Variants in DNAJC12 observed in about 807,000 individuals in gnomAD.
The protein encoded by DNAJC12 is DnaJ heat shock protein family (Hsp40) member C12, also known as dnaJ homolog subfamily C member 12.
DNAJC12 carries 25 observed loss-of-function variants against 28.5 expected under a neutral mutation model. The ratio of observed to expected loss-of-function variants is 0.88; its 90% CI spans 0.64 to 1.22. The LOEUF is 1.22. Among genes scored for constraint, DNAJC12 ranks in the 50% most tolerant of loss-of-function variants. The probability of loss-of-function intolerance (pLI) is 0.00; values close to 1 mark genes in which losing one functional copy is unlikely to be tolerated. For synonymous variants in DNAJC12, 77 were observed against 80.6 expected (o/e 0.95, Z 0.24); for missense variants, 222 against 231.7 (o/e 0.96, Z 0.27).
chr10:67,827,320 G>A (rs1398240556), intron 1 of DNAJC12, among the ~76,000 whole-genome samples: 6 of 151,372 alleles, frequency 4.0e-5, no homozygotes, highest in African/African-American at 1.5e-4. Flanking sequence ...CCAGGAGGTG[G>A]AGGTTGCAGT....
intron 3 of DNAJC12, chr10:67,808,506 T>C (rs895594259): frequency 6.6e-6 from 1 of 152,168 alleles, no homozygotes. Flanking sequence ...GAAATAGTGC[T>C]CGTCTCAGCA....
chr10:67,800,221 C>CAA (rs56039954), intron 4 of DNAJC12, among the ~76,000 whole-genome samples: 5 of 84,624 alleles, frequency 5.9e-5, no homozygotes, highest in African/African-American at 2.5e-4. Context: ...GACTCTATCT[C>CAA]AAAAAAAAAA....
chr10:67,833,114 T>C (rs1458975850), intron 1 of DNAJC12, among the ~76,000 whole-genome samples: 1 of 152,152 alleles, frequency 6.6e-6, no homozygotes, highest in Non-Finnish European at 1.5e-5. Context: ...TTAAGCGTAA[T>C]AAGGGATCCT....
rs775241512 is a variant in DNAJC12 at position 67,823,353 on chromosome 10, C to T, written c.118G>A (p.Glu40Lys). The T allele has an allele frequency of 1.2e-6, 2 of 1,613,984 alleles. No homozygotes were observed. The highest frequency in any genetic ancestry group is 1.1e-5 in the South Asian group (1 of 91,068). Residue 40 changes from glutamate (E) to lysine (K), a missense_variant, in exon 2 of 5, where the codon GAA (glutamate) becomes AAA (lysine). Physicochemically the swap from Glu to Lys is moderately conservative, Grantham distance 56. Coordinates refer to ENST00000225171, the MANE Select transcript of DNAJC12 (RefSeq NM_021800.3). ...ILAEFKVRALECHPDKHPENP... is the reference protein window; with the variant it reads ...ILAEFKVRALKCHPDKHPENP... ...TCAGGATGCTTGTCTGGGTGACATTCCAGAGCTCTGACTTTAAATTCTGCC... is the reference window on the plus strand; with the variant it reads ...TCAGGATGCTTGTCTGGGTGACATTTCAGAGCTCTGACTTTAAATTCTGCC...
chr10:67,821,060 G>GGT (rs916006219), intron 2 of DNAJC12, among the ~76,000 whole-genome samples: 19 of 151,712 alleles, frequency 1.3e-4, no homozygotes, highest in African/African-American at 4.4e-4. Flanking sequence ...TGGAATTACA[G>GGT]GTGTGAGCCA....
intron 4 of DNAJC12, among the ~76,000 whole-genome samples, chr10:67,798,195 T>G (rs974158387): frequency 3.9e-5 from 6 of 152,030 alleles, no homozygotes; most frequent in African/African-American, 1.5e-4. Context: ...CCAAGAAACA[T>G]TCTAAACTTT....
chr10:67,816,519 G>A (rs539711237), intron 2 of DNAJC12, among the ~76,000 whole-genome samples: 1 of 149,044 alleles, frequency 6.7e-6, no homozygotes, highest in African/African-American at 2.4e-5. Context: ...CCATTCCACA[G>A]GTTCTTAGTC....
rs1197548986 is a variant in DNAJC12, at chr10:67,811,548, T to C, written c.273A>G (p.Glu91=). 2 of 1,614,166 alleles carry C rather than the reference T, an allele frequency of 1.2e-6. No homozygotes were observed. The highest frequency in any genetic ancestry group is 2.7e-5 in the African/African-American group (2 of 75,046). ...CCGTCTTCACTGAGTCATTCAAAGC[T>C]TCCCACTGCTGGAATGGCATCGACA... ...SQMSMPFQQW[E]ALNDSVKTSM... Residue 91 remains glutamate (E), a synonymous_variant, in exon 3 of 5, where the codon GAA becomes GAG. Coordinates refer to ENST00000225171, the MANE Select transcript of DNAJC12 (RefSeq NM_021800.3).
In DNAJC12 at chr10:67,797,202, C is replaced by A; in HGVS notation, c.511G>T (p.Asp171Tyr). The stretch of plus-strand genomic sequence containing the variant: ...AAACGAAGGTGCCAACCATTCACAT[C>A]TGCAAAACCTTTAAAGGAAAGAAAG... ...PQNSDSSGFADVNGWHLRFRW... is the reference protein window; with the variant it reads ...PQNSDSSGFAYVNGWHLRFRW... Residue 171 changes from aspartate to tyrosine, a missense_variant, in exon 5 of 5, where the codon GAT (aspartate) becomes TAT (tyrosine). Coordinates refer to ENST00000225171, the MANE Select transcript of DNAJC12 (RefSeq NM_021800.3). 4 of 1,613,438 alleles carry A rather than the reference C, an allele frequency of 2.5e-6. No individual in the cohort carries two copies. The highest frequency in any genetic ancestry group is 3.4e-6 in the Non-Finnish European group (4 of 1,179,636).
chr10:67,818,621 GGGT>G (rs1841939102), intron 2 of DNAJC12, among the ~76,000 whole-genome samples: 1 of 152,010 alleles, frequency 6.6e-6, no homozygotes, highest in Admixed American at 6.6e-5. Flanking sequence ...GAATAACCTG[GGGT>G]GGTGGTGGTT....
chr10:67,802,948 C>CA (rs1564857609), intron 4 of DNAJC12, among the ~76,000 whole-genome samples: 2 of 145,374 alleles, frequency 1.4e-5, no homozygotes, highest in African/African-American at 4.9e-5. Context: ...CATCCCCCCC[C>CA]ACACACACAC....
In DNAJC12 at chr10:67,809,893, A is replaced by G. The variant is rs184216969; in HGVS notation, c.297+1631T>C. Among the ~76,000 whole-genome samples, 26 of 152,296 alleles carry G rather than the reference A, an allele frequency of 1.7e-4. No individual in the cohort carries two copies. The East Asian group carries it at 5.0e-3, about 29-fold the overall frequency. On this transcript the variant is annotated intron_variant, in intron 3 of 4. Coordinates refer to ENST00000225171, the MANE Select transcript of DNAJC12 (RefSeq NM_021800.3). ...GATAAAAAACTACATAATGGGTACA[A>G]TGTATACTACTCAGGTGATGGGTGC...
chr10:67,819,690 GAAAGAAAGGAAGGAAGGAAGGAAGGAAGC>G (rs1564863225), intron 2 of DNAJC12, among the ~76,000 whole-genome samples: 5 of 18,784 alleles, frequency 2.7e-4, no homozygotes, highest in East Asian at 1.7e-3. Context: ...AAGAAAGAAA[GAAAGAAAGGAAGGAAGGAAGGAAGGAAGC>G]AAGGAAGGAA....
intron 1 of DNAJC12, among the ~76,000 whole-genome samples, chr10:67,833,197 A>G (rs1227652425): frequency 6.6e-6 from 1 of 152,210 alleles, no homozygotes; most frequent in East Asian, 1.9e-4. Flanking sequence ...TATAATTTAG[A>G]TCAGGGATTG....
chr10:67,808,750 T>C (rs1196056210), intron 3 of DNAJC12: 2 of 152,202 alleles, frequency 1.3e-5, no homozygotes, highest in South Asian at 4.1e-4. Context: ...GACTGGTTAT[T>C]ATTATCCTGG....
At chr10:67,835,092 A>T (rs1470901645) in intron 1 of DNAJC12, among the ~76,000 whole-genome samples, 1 of 152,224 alleles carries the variant, frequency 6.6e-6, no homozygotes, top group East Asian at 1.9e-4. Context: ...CCATTAGAAA[A>T]TACATAATTT....
intron 4 of DNAJC12, among the ~76,000 whole-genome samples, chr10:67,797,648 C>T (rs1188851330): frequency 6.6e-6 from 1 of 151,842 alleles, no homozygotes; most frequent in African/African-American, 2.4e-5. Flanking sequence ...TTGTTGAAAA[C>T]CAGAGGAAAA....
chr10:67,833,820 C>A, intron 1 of DNAJC12: 1 of 502,738 alleles, frequency 2.0e-6, no homozygotes. Context: ...ATTTGCAGGC[C>A]ATTATGTTTT....
chr10:67,811,536 G>A lies in DNAJC12; in HGVS notation c.285C>T (p.Asp95=), dbSNP rs377051523. Residue 95 remains aspartate, a synonymous_variant, in exon 3 of 5, where the codon GAC becomes GAT. Transcript: ENST00000225171. Reference sequence around the variant, plus strand: ...GCGAGAAACCCACCGTCTTCACTGAGTCATTCAAAGCTTCCCACTGCTGGA... The same window carrying A: ...GCGAGAAACCCACCGTCTTCACTGAATCATTCAAAGCTTCCCACTGCTGGA... ...MPFQQWEALN[D]SVKTSMHWVV... 4.3e-6 allele frequency: 7 copies of A among 1,614,060 alleles called. No homozygotes were observed. Among genetic ancestry groups the A allele is most frequent in the South Asian group, 2.2e-5 (2 of 91,094 alleles).
Sources: gnomAD v4.1 joint callset for allele counts (sites outside exome capture counted in the v4.1 genomes callset) on GRCh38, gnomAD v4.1.1 for gene constraint, MANE v1.5 for transcripts, NCBI Gene and HGNC (gene_info 2026-07-23, HGNC 2026-07-21) for gene names.